STX1A: variants seen among roughly 807,000 people sequenced by gnomAD.
The protein encoded by STX1A is syntaxin 1A.
STX1A carries 4 observed loss-of-function variants against 37.8 expected under a neutral mutation model. That is an observed-to-expected ratio of 0.11 (90% CI 0.05 to 0.24). The LOEUF (loss-of-function observed/expected upper bound fraction) is 0.24, where lower values mean the gene tolerates loss of function less well. Among genes scored for constraint, STX1A ranks in the 10% least tolerant of loss-of-function variants. The pLI, the probability that STX1A is intolerant of heterozygous loss-of-function variation, is 1.00. For synonymous variants in STX1A, 135 were observed against 147.4 expected (o/e 0.92, Z 0.61); for missense variants, 251 against 399.9 (o/e 0.63, Z 3.18).
chr7:73,719,603 G>A lies in STX1A; in HGVS notation c.29C>T (p.Thr10Met). The A allele has an allele frequency of 2.5e-6, 3 of 1,206,356 alleles. No homozygotes were observed. Among genetic ancestry groups the A allele is most frequent in the African/African-American group, 1.6e-5 (1 of 62,996 alleles). The allele number at this position is 1,206,356 out of a possible 1,614,324, so 74.7% of individuals were successfully genotyped here. A position where few individuals can be genotyped will look rare whatever the true frequency, so the allele number is the denominator to read the frequency against. Residue 10 changes from threonine to methionine, a missense_variant and splice_region_variant, in exon 1 of 10, where the codon ACG becomes ATG. By Grantham distance (81) the Thr-to-Met change is moderately conservative. This residue lies in a region of STX1A where 37 missense variants were observed against 32.3 expected (regional missense o/e 1.15). Coordinates refer to ENST00000222812, the MANE Select transcript of STX1A (RefSeq NM_004603.4). MKDRTQELR[T>M]AKDSDDDDDV... ...GCCGCGCGCTGGGGCCGGACTCACC[G>A]TGCGGAGCTCCTGGGTTCGGTCCTT...
In STX1A at chr7:73,700,871, G is replaced by A. The variant is rs41271241; in HGVS notation, c.679-31C>T. On this transcript the variant is annotated intron_variant, in intron 8 of 9. Coordinates refer to ENST00000222812, the MANE Select transcript of STX1A (RefSeq NM_004603.4). The surrounding 1 kb of genome is among the most constrained non-coding windows in gnomAD (Gnocchi z 4.4). The stretch of plus-strand genomic sequence containing the variant: ...GGGCCGGGGGCACCCGAGCTCCAGA[G>A]GGCCCCCTCCTCAGGGTTGGGTTGG... 0.077 allele frequency: 124,372 copies of A among 1,610,200 alleles called. 5,538 individuals carry two copies. The highest frequency in any genetic ancestry group is 0.17 in the African/African-American group (12,663 of 74,974).
intron 7 of STX1A, chr7:73,703,293 T>C: frequency 5.5e-6 from 3 of 549,450 alleles, no homozygotes; most frequent in Non-Finnish European, 1.0e-5. Context: ...GACTGCCCCG[T>C]GGACCCAAGC....
At chr7:73,712,805 T>C (rs1799151525) in intron 1 of STX1A, among the ~76,000 whole-genome samples, 1 of 152,184 alleles carries the variant, frequency 6.6e-6, no homozygotes, top group East Asian at 1.9e-4. Context: ...TTTTTAAGTA[T>C]TCCTTCCCTT....
At chr7:73,712,134 A>G (rs1799124836) in intron 1 of STX1A, among the ~76,000 whole-genome samples, 1 of 152,046 alleles carries the variant, frequency 6.6e-6, no homozygotes, top group African/African-American at 2.4e-5. Context: ...TTGGCCCCAA[A>G]GCCAGTCGGG....
chr7:73,717,541 C>G lies in STX1A; in HGVS notation c.30+2061G>C, dbSNP rs1426015995. Among the ~76,000 whole-genome samples the G allele has an allele frequency of 6.6e-6, 1 of 152,120 alleles. No homozygotes were observed. The highest frequency in any genetic ancestry group is 2.4e-5 in the African/African-American group (1 of 41,424). ...GGAAAGCAGCCTGTGGGAACAGTGG[C>G]CCCACCAAGACTGACTGTCTCACCC... On this transcript the variant is annotated intron_variant, in intron 1 of 9. Coordinates refer to ENST00000222812, the MANE Select transcript of STX1A (RefSeq NM_004603.4). This position sits in a 1 kb window ranked among gnomAD's most constrained non-coding sequence, Gnocchi z 4.1.
intron 8 of STX1A, chr7:73,701,049 G>C: frequency 1.1e-6 from 1 of 917,912 alleles, no homozygotes; most frequent in Non-Finnish European, 1.6e-6. Flanking sequence ...ACATTTCCCC[G>C]CAGAGCAGCA....
chr7:73,718,576 T>A (rs1799373758), intron 1 of STX1A, among the ~76,000 whole-genome samples: 1 of 151,982 alleles, frequency 6.6e-6, no homozygotes, highest in South Asian at 2.1e-4. Context: ...GGGGACCAGA[T>A]GACCAGATGA....
At chr7:73,704,870 ACTT>A (rs1229274699) in intron 4 of STX1A, 1 of 556,180 alleles carries the variant, frequency 1.8e-6, no homozygotes, top group Admixed American at 3.1e-5. Context: ...AGTACTGGCC[ACTT>A]CTTCAACCCT....
chr7:73,708,277 A>G (rs1347639905), intron 3 of STX1A, among the ~76,000 whole-genome samples: 13 of 149,840 alleles, frequency 8.7e-5, no homozygotes, highest in East Asian at 1.9e-4. Flanking sequence ...AAAAAAAAAA[A>G]AAAAGAAAAA....
In STX1A at chr7:73,700,973, T is replaced by G. The variant is rs1798631616; in HGVS notation, c.679-133A>C. On this transcript the variant is annotated intron_variant, in intron 8 of 9. Transcript: ENST00000222812. This position sits in a 1 kb window ranked among gnomAD's most constrained non-coding sequence, Gnocchi z 4.4. ...GGCGTGAGGAGGTTAGGGTACAGCT[T>G]CTCACCTGGGCCAGGTACCCTGGGT... The G allele has an allele frequency of 1.6e-5, 24 of 1,503,530 alleles. No individual in the cohort carries two copies. The highest frequency in any genetic ancestry group is 2.0e-5 in the Non-Finnish European group (22 of 1,124,846). 93.1% of individuals were successfully genotyped at this position (1,503,530 alleles called of 1,614,324 possible). A position where few individuals can be genotyped will look rare whatever the true frequency, so the allele number is the denominator to read the frequency against.
At chr7:73,714,228 C>A (rs1554618359) in intron 1 of STX1A, among the ~76,000 whole-genome samples, 1 of 152,130 alleles carries the variant, frequency 6.6e-6, no homozygotes, top group African/African-American at 2.4e-5. Context: ...CCTGCCTCAG[C>A]CTCCCGAGTA....
In STX1A at chr7:73,709,651, C is replaced by T. The variant is rs1289663629; in HGVS notation, c.31-529G>A. ...GCAGCCTTAAACACCTGGGCTCAAG[C>T]GATCCTCCCAACTCAGCATCCCGAG... On this transcript the variant is annotated intron_variant, in intron 1 of 9. Coordinates refer to ENST00000222812, the MANE Select transcript of STX1A (RefSeq NM_004603.4). This position sits in a 1 kb window ranked among gnomAD's most constrained non-coding sequence, Gnocchi z 4.2. 6.6e-6 allele frequency among the ~76,000 whole-genome samples: 1 copy of T among 152,098 alleles called. No individual in the cohort carries two copies. Among genetic ancestry groups the T allele is most frequent in the Non-Finnish European group, 1.5e-5 (1 of 68,008 alleles).
chr7:73,716,473 C>T (rs1554618710), intron 1 of STX1A: 1 of 152,464 alleles, frequency 6.6e-6, no homozygotes, highest in African/African-American at 2.4e-5. Context: ...GACCTCAAGG[C>T]ACTTCAGGGG....
chr7:73,715,205 C>T (rs911029430), intron 1 of STX1A, among the ~76,000 whole-genome samples: 10 of 151,480 alleles, frequency 6.6e-5, no homozygotes, highest in Admixed American at 1.3e-4. Flanking sequence ...GGGCAGATCA[C>T]GAGGTCAAGA....
At chr7:73,703,900 C>A in intron 6 of STX1A, 72 bp from the exon 7 acceptor site, 7 of 1,520,416 alleles carry the variant, frequency 4.6e-6, no homozygotes, top group Non-Finnish European at 6.2e-6. Context: ...GGCCCCGCCC[C>A]CTCCGTCCCA....
chr7:73,700,683 C>T lies in STX1A; in HGVS notation c.789+47G>A. The T allele has an allele frequency of 6.2e-7, 1 of 1,608,596 alleles. No homozygotes were observed. The highest frequency in any genetic ancestry group is 8.5e-7 in the Non-Finnish European group (1 of 1,177,526). Reference sequence around the variant, plus strand: ...GAGGGATGTGGGATGGTTGGGGGTCCCTAATGGGTGCTGGGGCATGGCCTT... The same window carrying T: ...GAGGGATGTGGGATGGTTGGGGGTCTCTAATGGGTGCTGGGGCATGGCCTT... On this transcript the variant is annotated intron_variant, in intron 9 of 9. Transcript: ENST00000222812. The surrounding 1 kb of genome is among the most constrained non-coding windows in gnomAD (Gnocchi z 4.4).
intron 1 of STX1A, among the ~76,000 whole-genome samples, chr7:73,715,340 T>C (rs1229790872): frequency 6.6e-6 from 1 of 151,846 alleles, no homozygotes; most frequent in Non-Finnish European, 1.5e-5. Context: ...GAGAATCACT[T>C]GAACCCAGGA....
At chr7:73,704,932 C>T (rs550156527) in intron 4 of STX1A, 26 of 607,856 alleles carry the variant, frequency 4.3e-5, no homozygotes, top group South Asian at 7.5e-5. Context: ...AGCCCTCCCT[C>T]GCCAAAGCCT....
Position 73,700,137 on chromosome 7 carries a change from G to C in STX1A, c.*270C>G. On this transcript the variant is annotated 3_prime_UTR_variant, in exon 10 of 10. Transcript: ENST00000222812. The surrounding 1 kb of genome is among the most constrained non-coding windows in gnomAD (Gnocchi z 4.4). ...TGGCCTGTGTCACCCTGGCGGCCCT[G>C]CCTGGGTCTGCTCCTCGCTGTGCAC... 1.9e-6 allele frequency: 1 copy of C among 536,616 alleles called. No individual in the cohort carries two copies. The highest frequency in any genetic ancestry group is 1.9e-5 in the African/African-American group (1 of 52,712). 33.2% of individuals were successfully genotyped at this position (536,616 alleles called of 1,614,324 possible). A position where few individuals can be genotyped will look rare whatever the true frequency, so the allele number is the denominator to read the frequency against.
Sources: allele counts gnomAD v4.1 joint callset (sites outside exome capture counted in the v4.1 genomes callset), GRCh38; gene constraint gnomAD v4.1.1; regional missense constraint gnomAD v4.1.1; non-coding constraint Gnocchi (gnomAD v3.1); transcripts MANE v1.5; gene names NCBI Gene and HGNC (gene_info 2026-07-23, HGNC 2026-07-21).